The following FRY variants were observed in gnomAD, a reference collection of about 807,000 sequenced individuals.
FRY encodes the protein FRY microtubule binding protein, also known as protein furry homolog.
FRY carries 128 observed loss-of-function variants against 348.4 expected under a neutral mutation model. The ratio of observed to expected loss-of-function variants is 0.37; its 90% confidence interval spans 0.32 to 0.43. FRY has a LOEUF of 0.43. Among genes scored for constraint, FRY ranks in the 20% least tolerant of loss-of-function variants. The pLI, the probability that FRY is intolerant of heterozygous loss-of-function variation, is 1.00. For missense variants in FRY, 2,736 were observed against 3,695.2 expected (o/e 0.74, Z 6.73); for synonymous variants, 1,370 against 1,374.7 (o/e 1.00, Z 0.08).
rs1886298743 is a variant in FRY, at chr13:32,237,905, A to G, written c.6337A>G (p.Thr2113Ala). Reference protein sequence around the residue: ...LLLKGFTSLTTTDLTLQLFSL... With the variant: ...LLLKGFTSLTATDLTLQLFSL... ...GCTGAAAGGATTCACATCCCTCACC[A>G]CCACAGACCTGACCCTGCAGCTCTT... The change falls in exon 44 of 61, where the codon ACC (threonine) becomes GCC (alanine). Residue 2113 changes from threonine (T) to alanine (A), a missense_variant. Transcript: ENST00000542859. This position sits in a 1 kb window ranked among gnomAD's most constrained non-coding sequence, Gnocchi z 6.3. 2.5e-6 allele frequency: 4 copies of G among 1,614,098 alleles called. No homozygotes were observed. The highest frequency in any genetic ancestry group is 3.4e-6 in the Non-Finnish European group (4 of 1,180,002).
At chr13:32,155,383 A>C in intron 14 of FRY, 108 bp from the exon 15 acceptor site, 3 of 812,700 alleles carry the variant, frequency 3.7e-6, no homozygotes, top group Non-Finnish European at 6.4e-6. Flanking sequence ...TTATTTTCTC[A>C]TACTCATCTA....
At chr13:32,187,824 A>T (rs187290865) in intron 28 of FRY, among the ~76,000 whole-genome samples, 168 bp downstream of exon 28, 285 of 152,320 alleles carry the variant, frequency 1.9e-3, no homozygotes, top group African/African-American at 6.6e-3. Flanking sequence ...GATAAAAAAG[A>T]TAGTAACATT....
chr13:32,083,699 G>A (rs927052965), intron 2 of FRY, among the ~76,000 whole-genome samples: 5 of 152,084 alleles, frequency 3.3e-5, no homozygotes, highest in Non-Finnish European at 4.4e-5. Flanking sequence ...TTGGCCTGTG[G>A]TTTCAAATTC....
At chr13:32,157,516 G>T in intron 16 of FRY, 111 bp downstream of exon 16, 1 of 983,358 alleles carries the variant, frequency 1.0e-6, no homozygotes, top group Non-Finnish European at 1.5e-6. Flanking sequence ...GTTCTAAAAA[G>T]TAGTAAAGAT....
chr13:32,062,420 A>G (rs1044916441), intron 1 of FRY, among the ~76,000 whole-genome samples: 1 of 152,086 alleles, frequency 6.6e-6, no homozygotes, highest in Admixed American at 6.6e-5. Context: ...TCTTGCTCAT[A>G]ATAAAGTTTA....
chr13:32,072,929 C>G (rs1402860634), intron 1 of FRY, among the ~76,000 whole-genome samples: 2 of 152,178 alleles, frequency 1.3e-5, no homozygotes, highest in East Asian at 1.9e-4. Context: ...TTACATTGAT[C>G]TCTATAAAGT....
chr13:32,145,526 GTTTT>G (rs59585678), intron 11 of FRY, among the ~76,000 whole-genome samples: 7 of 91,472 alleles, frequency 7.7e-5, no homozygotes, highest in Admixed American at 2.1e-4. Flanking sequence ...TGACTGATTT[GTTTT>G]TTTTTTTTTT....
chr13:32,215,648 C>T (rs1022859192), intron 35 of FRY, among the ~76,000 whole-genome samples: 11 of 152,194 alleles, frequency 7.2e-5, no homozygotes, highest in Admixed American at 6.5e-4. Flanking sequence ...CAGCTTACTG[C>T]GGGCTCAGCC....
At chr13:32,163,883 TTTTTC>T (rs1326559366) in intron 17 of FRY, among the ~76,000 whole-genome samples, 1 of 151,634 alleles carries the variant, frequency 6.6e-6, no homozygotes, top group African/African-American at 2.4e-5. Context: ...TGTTTTTTGT[TTTTTC>T]TTTTTTCTTT....
intron 20 of FRY, 81 bp from the exon 21 acceptor site, chr13:32,178,096 A>G: frequency 6.8e-7 from 1 of 1,459,916 alleles, no homozygotes; most frequent in Non-Finnish European, 9.6e-7. Flanking sequence ...CTGTGCAAGA[A>G]TGAGTAGTCA....
chr13:32,224,464 C>G lies in FRY; in HGVS notation c.4916+79C>G. The G allele has an allele frequency of 2.4e-6, 3 of 1,258,728 alleles. No individual in the cohort carries two copies. In the Admixed American group the frequency reaches 6.4e-5, roughly 27 times the overall value. The allele number at this position is 1,258,728 out of a possible 1,614,324, so 78.0% of individuals were successfully genotyped here. On this transcript the variant is annotated intron_variant, in intron 37 of 60. Coordinates refer to ENST00000542859, the MANE Select transcript of FRY (RefSeq NM_023037.3). ...CCTATGACAAGAGAAAAACCTAGTC[C>G]AGGTCCCACCACATTAAATTATCTT...
chr13:32,157,281 T>G lies in FRY; in HGVS notation c.1660T>G (p.Leu554Val). The change falls in exon 16 of 61, where the codon TTA (leucine) becomes GTA (valine). Residue 554 changes from leucine (L) to valine (V), a missense_variant. Leu to Val is a conservative substitution (Grantham distance 32). Transcript: ENST00000542859. ...EEEAKMIGMS[L>V]YYSQVRKAVD... Reference sequence around the variant, plus strand: ...TAATGCATGTTTTTCAGGCATGTCCTTATATTACTCTCAAGTACGAAAAGC... The same window carrying G: ...TAATGCATGTTTTTCAGGCATGTCCGTATATTACTCTCAAGTACGAAAAGC... 1 of 1,612,038 alleles carries G rather than the reference T, an allele frequency of 6.2e-7. No individual in the cohort carries two copies. Among genetic ancestry groups the G allele is most frequent in the Non-Finnish European group, 8.5e-7 (1 of 1,178,364 alleles).
chr13:32,279,956 G>C (rs989063235), intron 58 of FRY, among the ~76,000 whole-genome samples: 3 of 152,218 alleles, frequency 2.0e-5, no homozygotes, highest in African/African-American at 7.2e-5. Flanking sequence ...ATAAAGCTGA[G>C]AAATTTCTAA....
At chr13:32,138,724 T>G (rs1879875049) in intron 11 of FRY, among the ~76,000 whole-genome samples, 1 of 152,178 alleles carries the variant, frequency 6.6e-6, no homozygotes, top group Non-Finnish European at 1.5e-5. Flanking sequence ...ACTTATGTAG[T>G]GTCCACTATG....
chr13:32,109,088 G>A (rs1426942274), intron 3 of FRY, among the ~76,000 whole-genome samples: 2 of 152,140 alleles, frequency 1.3e-5, no homozygotes, highest in Non-Finnish European at 2.9e-5. Context: ...CTAAGCTAAA[G>A]GGGCCTAAAC....
intron 24 of FRY, among the ~76,000 whole-genome samples, chr13:32,183,793 A>G (rs921726878): frequency 6.6e-6 from 1 of 151,188 alleles, no homozygotes; most frequent in Non-Finnish European, 1.5e-5. Context: ...AAAAAAAAAA[A>G]AAAAACCTAG....
intron 36 of FRY, among the ~76,000 whole-genome samples, chr13:32,222,037 G>A (rs1401949342): frequency 6.6e-6 from 1 of 151,972 alleles, no homozygotes; most frequent in Non-Finnish European, 1.5e-5. Context: ...AGAGCGAGCA[G>A]GGTAGAAAGT....
At position 32,135,016 on chromosome 13, in the gene FRY, A is replaced by C. The variant is rs73167143; in HGVS notation, c.978+20A>C. ...GCTGCTGTGAGTTTCATTTCTAAAA[A>C]CTCCTTCAAATTGTATCACAAAATC... On this transcript the variant is annotated intron_variant, in intron 9 of 60. Coordinates refer to ENST00000542859, the MANE Select transcript of FRY (RefSeq NM_023037.3). 3.4e-3 allele frequency: 5,304 copies of C among 1,582,212 alleles called. 18 individuals are homozygous for C. The highest frequency in any genetic ancestry group is 5.7e-3 in the South Asian group (513 of 90,442).
At chr13:32,254,807 G>A (rs952344437) in intron 51 of FRY, among the ~76,000 whole-genome samples, 2 of 152,168 alleles carry the variant, frequency 1.3e-5, no homozygotes, top group African/African-American at 4.8e-5. Flanking sequence ...TTCCTTCAAA[G>A]CTTGCCTGCT....
Sources: allele counts gnomAD v4.1 joint callset (sites outside exome capture counted in the v4.1 genomes callset), GRCh38; gene constraint gnomAD v4.1.1; non-coding constraint Gnocchi (gnomAD v3.1); transcripts MANE v1.5; gene names NCBI Gene and HGNC (gene_info 2026-07-23, HGNC 2026-07-21).